Variants in NEGR1 observed in about 807,000 individuals in gnomAD.
NEGR1 encodes IgLON family member 4.
Under a neutral mutation model 40.9 loss-of-function variants are expected in NEGR1, and 10 were observed. The observed-to-expected ratio is 0.24, with a 90% confidence interval of 0.15 to 0.42. The LOEUF is 0.42. NEGR1 is among the 10% of genes least tolerant of loss of function. The pLI is 1.00. For missense variants in NEGR1, 352 were observed against 438.9 expected, an observed-to-expected ratio of 0.80 and a Z score of 1.77; for synonymous variants, 185 against 166.8, an observed-to-expected ratio of 1.11 and a Z score of -0.84.
intron 1 of NEGR1, among the ~76,000 whole-genome samples, chr1:71,949,718 A>C (rs1646052289): frequency 6.6e-6 from 1 of 152,100 alleles, no homozygotes; most frequent in Non-Finnish European, 1.5e-5. Flanking sequence ...GATTTCCTCT[A>C]TGGTTCAAAA....
At chr1:72,198,600 C>T (rs901747476) in intron 1 of NEGR1, among the ~76,000 whole-genome samples, 1 of 152,062 alleles carries the variant, frequency 6.6e-6, no homozygotes, top group Admixed American at 6.6e-5. Flanking sequence ...ATTTGATTGT[C>T]CTGATACTGT....
chr1:71,407,624 C>T (rs1646286741), intron 6 of NEGR1, 54 bp from the exon 7 acceptor site: 1 of 1,583,840 alleles, frequency 6.3e-7, no homozygotes, highest in Middle Eastern at 1.7e-4. Flanking sequence ...CTTCCAGGAT[C>T]TTGACAATAA....
chr1:71,631,355 A>G (rs1293185114), intron 4 of NEGR1, among the ~76,000 whole-genome samples: 1 of 151,846 alleles, frequency 6.6e-6, no homozygotes, highest in Admixed American at 6.6e-5. Context: ...AAAGCTAAGT[A>G]GCTTTCTGAG....
At chr1:71,489,322 T>A (rs1242853645) in intron 6 of NEGR1, among the ~76,000 whole-genome samples, 4 of 151,972 alleles carry the variant, frequency 2.6e-5, no homozygotes, top group South Asian at 4.2e-4. Flanking sequence ...CAGGCTGAGA[T>A]TCCAGTTTTC....
intron 4 of NEGR1, among the ~76,000 whole-genome samples, chr1:71,629,506 A>G (rs1466391370): frequency 6.6e-6 from 1 of 151,944 alleles, no homozygotes; most frequent in Non-Finnish European, 1.5e-5. Context: ...TGTGAATGGG[A>G]GTTCACTCAT....
chr1:72,143,592 ATAT>A (rs1650766154), intron 1 of NEGR1, among the ~76,000 whole-genome samples: 1 of 151,664 alleles, frequency 6.6e-6, no homozygotes, highest in Non-Finnish European at 1.5e-5. Context: ...TGCAAAAATT[ATAT>A]TAATTCATTA....
At chr1:71,727,489 GA>G (rs1379298155) in intron 3 of NEGR1, among the ~76,000 whole-genome samples, 1 of 152,084 alleles carries the variant, frequency 6.6e-6, no homozygotes, top group Non-Finnish European at 1.5e-5. Context: ...AATCCATGGA[GA>G]AAAAATCAAG....
At chr1:72,061,097 T>A (rs1389286878) in intron 1 of NEGR1, among the ~76,000 whole-genome samples, 1 of 151,706 alleles carries the variant, frequency 6.6e-6, no homozygotes, top group Non-Finnish European at 1.5e-5. Context: ...AACTACTTCC[T>A]CATCCTCAGT....
intron 4 of NEGR1, among the ~76,000 whole-genome samples, chr1:71,656,067 G>T (rs1316642539): frequency 6.6e-6 from 1 of 152,158 alleles, no homozygotes. Context: ...TGAAGAAAAT[G>T]AAGCTTGCCC....
intron 3 of NEGR1, among the ~76,000 whole-genome samples, chr1:71,705,925 A>C (rs147536380): frequency 3.6e-4 from 44 of 121,140 alleles, no homozygotes; most frequent in Non-Finnish European, 2.9e-4. Flanking sequence ...AAGACAGCAG[A>C]ATAGAAAGCT....
At chr1:71,996,305 G>A (rs1010947471) in intron 1 of NEGR1, among the ~76,000 whole-genome samples, 1 of 152,048 alleles carries the variant, frequency 6.6e-6, no homozygotes, top group Non-Finnish European at 1.5e-5. Flanking sequence ...GCTATAAGAA[G>A]TCACACAATT....
At chr1:71,664,639 A>G (rs993748086) in intron 4 of NEGR1, among the ~76,000 whole-genome samples, 1 of 152,098 alleles carries the variant, frequency 6.6e-6, no homozygotes, top group South Asian at 2.1e-4. Flanking sequence ...GTTTGAACAG[A>G]ATTTATAATG....
chr1:71,777,357 T>C (rs1334603945), intron 2 of NEGR1, among the ~76,000 whole-genome samples: 1 of 152,120 alleles, frequency 6.6e-6, no homozygotes, highest in Non-Finnish European at 1.5e-5. Flanking sequence ...GACATTAGTG[T>C]TAGTCATTAT....
In NEGR1 at chr1:72,114,934, G is replaced by A. The variant is rs549323557; in HGVS notation, c.176+167385C>T. 2.0e-5 allele frequency among the ~76,000 whole-genome samples: 3 copies of A among 151,832 alleles called. No homozygotes were observed. In the South Asian group the frequency reaches 6.2e-4, roughly 31 times the overall value. ...TAAAAAGTTTGTCTTTTTGAACAAA[G>A]TTGAGTATTGTAACAAGACACCGTG... On this transcript the variant is annotated intron_variant, in intron 1 of 6. Transcript: ENST00000357731.
chr1:71,768,127 G>A (rs1599180), intron 3 of NEGR1, among the ~76,000 whole-genome samples: 57,257 of 152,030 alleles, frequency 0.38, 11,887 homozygotes, highest in South Asian at 0.51. Flanking sequence ...GGTCAGAGCC[G>A]CCACACAGAG....
At chr1:72,050,625 G>C (rs1647050624) in intron 1 of NEGR1, among the ~76,000 whole-genome samples, 1 of 151,394 alleles carries the variant, frequency 6.6e-6, no homozygotes, top group Non-Finnish European at 1.5e-5. Context: ...GTTTATTATT[G>C]GATGTGGTAG....
intron 4 of NEGR1, among the ~76,000 whole-genome samples, chr1:71,684,143 G>A (rs1035511803): frequency 6.6e-6 from 1 of 151,924 alleles, no homozygotes; most frequent in Admixed American, 6.6e-5. Flanking sequence ...GGTGGTGGGC[G>A]CCTGTAGTCC....
At chr1:71,530,229 A>G (rs1647311739) in intron 6 of NEGR1, among the ~76,000 whole-genome samples, 1 of 151,254 alleles carries the variant, frequency 6.6e-6, no homozygotes, top group South Asian at 2.1e-4. Context: ...TTTTGTGAGA[A>G]TTTTCATTTA....
intron 6 of NEGR1, among the ~76,000 whole-genome samples, chr1:71,448,821 T>A (rs1392049692): frequency 6.6e-6 from 1 of 152,122 alleles, no homozygotes; most frequent in Non-Finnish European, 1.5e-5. Context: ...ACATTGTAGG[T>A]CATGTCAAAA....
Sources: gnomAD v4.1 joint callset for allele counts (sites outside exome capture counted in the v4.1 genomes callset) on GRCh38, gnomAD v4.1.1 for gene constraint, MANE v1.5 for transcripts, NCBI Gene and HGNC (gene_info 2026-07-23, HGNC 2026-07-21) for gene names.